The following NXPH1 variants were observed in gnomAD, a reference collection of about 807,000 sequenced individuals.
NXPH1 encodes the protein neurexophilin 1.
A neutral mutation model predicts 23.7 loss-of-function variants in NXPH1; 5 were observed. The observed-to-expected ratio is 0.21, with a 90% CI of 0.11 to 0.44. The LOEUF (loss-of-function observed/expected upper bound fraction) is 0.44, where lower values mean the gene tolerates loss of function less well. Ranked by LOEUF, NXPH1 falls within the 20% of genes least tolerant of loss-of-function variation. NXPH1 has a pLI of 0.99. For synonymous variants in NXPH1, 144 were observed against 122.2 expected (o/e 1.18, Z -1.18); for missense variants, 324 against 321.6 (o/e 1.01, Z -0.06).
intron 2 of NXPH1, among the ~76,000 whole-genome samples, chr7:8,719,947 G>T (rs1291776912): frequency 6.6e-6 from 1 of 152,132 alleles, no homozygotes; most frequent in Non-Finnish European, 1.5e-5. Context: ...ATTAGAATAA[G>T]AAAATTTAGA....
chr7:8,484,812 C>G (rs1246129192), intron 2 of NXPH1, among the ~76,000 whole-genome samples: 6 of 152,102 alleles, frequency 3.9e-5, no homozygotes, highest in Admixed American at 2.0e-4. Flanking sequence ...AGTAATGGAT[C>G]AAATTCCAGC....
At chr7:8,463,010 A>G (rs894948013) in intron 2 of NXPH1, among the ~76,000 whole-genome samples, 1 of 152,174 alleles carries the variant, frequency 6.6e-6, no homozygotes. Flanking sequence ...TGTTACATAG[A>G]TTCCTTTCTC....
chr7:8,721,930 AC>A lies in NXPH1; in HGVS notation c.55-29073del, dbSNP rs1278744603. On this transcript the variant is annotated intron_variant, in intron 2 of 2. Coordinates refer to ENST00000405863, the MANE Select transcript of NXPH1 (RefSeq NM_152745.3). The stretch of plus-strand genomic sequence containing the variant: ...TTAGAATATGCTATTTAATTTCACC[AC>A]CCCCATGGCAAATTCCATGATCCTT... 6.6e-5 allele frequency among the ~76,000 whole-genome samples: 10 copies of A among 152,284 alleles called. No homozygotes were observed. In the East Asian group the frequency reaches 1.9e-3, roughly 29 times the overall value.
intron 2 of NXPH1, among the ~76,000 whole-genome samples, chr7:8,562,071 G>C (rs1343153488): frequency 6.6e-6 from 1 of 151,588 alleles, no homozygotes. Context: ...TGCTTGGCAT[G>C]CTATTGACTT....
chr7:8,491,016 C>A (rs560415241), intron 2 of NXPH1, among the ~76,000 whole-genome samples: 4 of 152,112 alleles, frequency 2.6e-5, no homozygotes, highest in Non-Finnish European at 5.9e-5. Flanking sequence ...GTAGTGACAC[C>A]TGCGACACCT....
chr7:8,546,951 T>G (rs1343550622), intron 2 of NXPH1, among the ~76,000 whole-genome samples: 2 of 151,476 alleles, frequency 1.3e-5, no homozygotes, highest in Non-Finnish European at 3.0e-5. Flanking sequence ...ATTTTCATAC[T>G]GTGAGATGAT....
At chr7:8,443,283 C>T (rs1375800757) in intron 2 of NXPH1, among the ~76,000 whole-genome samples, 1 of 152,248 alleles carries the variant, frequency 6.6e-6, no homozygotes, top group East Asian at 1.9e-4. Context: ...TTTGCGAATC[C>T]TTCTTTTCCC....
chr7:8,620,267 T>A (rs1472205812), intron 2 of NXPH1, among the ~76,000 whole-genome samples: 1 of 152,192 alleles, frequency 6.6e-6, no homozygotes, highest in Non-Finnish European at 1.5e-5. Flanking sequence ...GGGAATGTTT[T>A]CACAGTCTGC....
At chr7:8,641,694 C>G (rs77124847) in intron 2 of NXPH1, among the ~76,000 whole-genome samples, 9,699 of 152,194 alleles carry the variant, frequency 0.064, 477 homozygotes, top group East Asian at 0.17. Context: ...CACCACTCCT[C>G]TTTCTATAAT....
At chr7:8,525,790 G>A (rs931756083) in intron 2 of NXPH1, among the ~76,000 whole-genome samples, 8 of 152,186 alleles carry the variant, frequency 5.3e-5, no homozygotes, top group East Asian at 1.9e-4. Context: ...TGAGGTTTGC[G>A]AACCTCCACC....
rs1208010834 is a variant in NXPH1, at chr7:8,553,785, C to T, written c.54+118018C>T. 4.6e-5 allele frequency among the ~76,000 whole-genome samples: 7 copies of T among 151,592 alleles called. No homozygotes were observed. The South Asian group carries it at 1.2e-3, about 27-fold the overall frequency. ...TGAAAAAATCATCTTGAGCCATGAT[C>T]AGTGTAGTCATTTGTTCTGTTGGAT... On this transcript the variant is annotated intron_variant, in intron 2 of 2. Coordinates refer to ENST00000405863, the MANE Select transcript of NXPH1 (RefSeq NM_152745.3).
chr7:8,451,542 G>A (rs1160938459), intron 2 of NXPH1, among the ~76,000 whole-genome samples: 3 of 152,176 alleles, frequency 2.0e-5, no homozygotes, highest in Non-Finnish European at 2.9e-5. Context: ...AATTGAGACT[G>A]CTCTTTTTCA....
chr7:8,455,109 C>A (rs1816572437), intron 2 of NXPH1, among the ~76,000 whole-genome samples: 1 of 152,176 alleles, frequency 6.6e-6, no homozygotes, highest in East Asian at 1.9e-4. Flanking sequence ...GGTAACCTTG[C>A]AATCGTATGC....
chr7:8,541,575 C>T (rs897777351), intron 2 of NXPH1, among the ~76,000 whole-genome samples: 1 of 151,374 alleles, frequency 6.6e-6, no homozygotes, highest in African/African-American at 2.4e-5. Flanking sequence ...GAGGGAAGGG[C>T]ATTAAAACTG....
intron 2 of NXPH1, among the ~76,000 whole-genome samples, chr7:8,574,766 C>T (rs914190392): frequency 1.3e-5 from 2 of 152,106 alleles, no homozygotes; most frequent in South Asian, 2.1e-4. Flanking sequence ...CTTCTCAATT[C>T]GAAAGGGAAG....
At chr7:8,561,720 G>A (rs970891834) in intron 2 of NXPH1, among the ~76,000 whole-genome samples, 1 of 151,432 alleles carries the variant, frequency 6.6e-6, no homozygotes, top group Non-Finnish European at 1.5e-5. Context: ...GTTTTGTAAA[G>A]GTCCATGAGT....
intron 2 of NXPH1, among the ~76,000 whole-genome samples, chr7:8,475,824 A>G (rs1816960910): frequency 6.6e-6 from 1 of 152,188 alleles, no homozygotes; most frequent in African/African-American, 2.4e-5. Context: ...AAGCCATTTG[A>G]TTGAAGTAAA....
At chr7:8,638,355 C>T (rs1433576276) in intron 2 of NXPH1, among the ~76,000 whole-genome samples, 4 of 152,174 alleles carry the variant, frequency 2.6e-5, no homozygotes, top group African/African-American at 9.7e-5. Context: ...CCATTCACTG[C>T]GGGCCAACAA....
rs778080583 is a variant in NXPH1 at position 8,751,187 on chromosome 7, C to T, written c.234C>T (p.Thr78=). 1 of 1,613,620 alleles carries T rather than the reference C, an allele frequency of 6.2e-7. No individual in the cohort carries two copies. The highest frequency in any genetic ancestry group is 1.3e-5 in the African/African-American group (1 of 74,886). ...NDTDLDLRYD[T]PEPYSEQDLW... ...CAGATTTGGACCTGAGATATGACAC[C>T]CCAGAACCTTATTCTGAGCAAGACC... The change falls in exon 3 of 3, where the codon ACC becomes ACT. Residue 78 remains threonine, a synonymous_variant. Transcript: ENST00000405863. This position sits in a 1 kb window ranked among gnomAD's most constrained non-coding sequence, Gnocchi z 4.5.
Sources: gnomAD v4.1 joint callset for allele counts (sites outside exome capture counted in the v4.1 genomes callset) on GRCh38, gnomAD v4.1.1 for gene constraint, Gnocchi (gnomAD v3.1) non-coding constraint, MANE v1.5 for transcripts, NCBI Gene and HGNC (gene_info 2026-07-23, HGNC 2026-07-21) for gene names.